PARD3B: variants seen among roughly 807,000 people sequenced by gnomAD.
The protein encoded by PARD3B is par-3 family cell polarity regulator beta.
PARD3B carries 103 observed loss-of-function variants against 130.2 expected under a neutral mutation model. The observed-to-expected ratio is 0.79, with a 90% CI of 0.67 to 0.93. PARD3B has a LOEUF of 0.93. Among genes scored for constraint, PARD3B ranks in the 40% least tolerant of loss-of-function variants. PARD3B has a pLI of 0.00. For synonymous variants in PARD3B, 583 were observed against 553.2 expected, an observed-to-expected ratio of 1.05 and a Z score of -0.76; for missense variants, 1,609 against 1,499.2, an observed-to-expected ratio of 1.07 and a Z score of -1.21.
chr2:205,112,862 T>C (rs1482025982), intron 5 of PARD3B, among the ~76,000 whole-genome samples: 1 of 152,158 alleles, frequency 6.6e-6, no homozygotes, highest in East Asian at 1.9e-4. Context: ...AACCTCTTTT[T>C]CTACCTTTAC....
At chr2:204,831,154 A>G (rs944132641) in intron 2 of PARD3B, among the ~76,000 whole-genome samples, 2 of 152,152 alleles carry the variant, frequency 1.3e-5, no homozygotes, top group African/African-American at 4.8e-5. Flanking sequence ...CTTAGATACT[A>G]TGTTATTTAA....
At position 205,525,756 on chromosome 2, in the gene PARD3B, T is replaced by G. The variant is rs1163992696; in HGVS notation, c.3180+25725T>G. On this transcript the variant is annotated intron_variant, in intron 21 of 22. Coordinates refer to ENST00000406610, the MANE Select transcript of PARD3B (RefSeq NM_001302769.2). The surrounding 1 kb of genome is among the most constrained non-coding windows in gnomAD (Gnocchi z 4.2). ...ACTCACCCTTCATTTTGGTGACAAG[T>G]CCAGCTCAATGAGAATCTCGACAAA... Among the ~76,000 whole-genome samples the G allele has an allele frequency of 6.6e-6, 1 of 152,152 alleles. No individual in the cohort carries two copies. The highest frequency in any genetic ancestry group is 1.5e-5 in the Non-Finnish European group (1 of 68,036).
chr2:204,952,098 A>G (rs1689822533), intron 2 of PARD3B, among the ~76,000 whole-genome samples: 1 of 152,230 alleles, frequency 6.6e-6, no homozygotes, highest in South Asian at 2.1e-4. Flanking sequence ...TAAGCACATG[A>G]AAGTTTTTAA....
chr2:205,188,631 A>G (rs2036223075), intron 14 of PARD3B, among the ~76,000 whole-genome samples: 1 of 152,040 alleles, frequency 6.6e-6, no homozygotes, highest in Non-Finnish European at 1.5e-5. Flanking sequence ...CTCCCCTCCT[A>G]GGATCGTGTG....
At chr2:204,705,983 T>C (rs369099371) in intron 2 of PARD3B, among the ~76,000 whole-genome samples, 13 of 152,262 alleles carry the variant, frequency 8.5e-5, no homozygotes, top group African/African-American at 2.6e-4. Flanking sequence ...AGTTCTTTGA[T>C]TGGGTGAATG....
At chr2:204,563,747 A>C (rs76876266) in intron 1 of PARD3B, among the ~76,000 whole-genome samples, 2,304 of 152,084 alleles carry the variant, frequency 0.015, 68 homozygotes, top group African/African-American at 0.053. Context: ...CCTAAATTCT[A>C]TCTCATGTCA....
intron 5 of PARD3B, among the ~76,000 whole-genome samples, chr2:205,111,669 A>T (rs1381458619): frequency 1.3e-5 from 2 of 152,086 alleles, no homozygotes; most frequent in Admixed American, 1.3e-4. Flanking sequence ...CACATTCCAA[A>T]TGCCTCTAGA....
At chr2:204,627,740 A>G (rs1393728390) in intron 1 of PARD3B, among the ~76,000 whole-genome samples, 1 of 152,140 alleles carries the variant, frequency 6.6e-6, no homozygotes, top group Non-Finnish European at 1.5e-5. Flanking sequence ...AATGATGGGA[A>G]CCTGGAATTC....
intron 20 of PARD3B, among the ~76,000 whole-genome samples, chr2:205,468,664 T>G (rs538498963): frequency 6.6e-6 from 1 of 152,272 alleles, no homozygotes; most frequent in East Asian, 1.9e-4. Context: ...GTAGCACTGG[T>G]TCTCACGTCT....
chr2:205,252,729 G>GA (rs1412564091), intron 16 of PARD3B, among the ~76,000 whole-genome samples: 1 of 149,962 alleles, frequency 6.7e-6, no homozygotes, highest in Non-Finnish European at 1.5e-5. Context: ...CACACCAAAT[G>GA]AAAAAGTACC....
At chr2:205,171,672 T>C (rs758160132) in intron 11 of PARD3B, among the ~76,000 whole-genome samples, 7 of 152,164 alleles carry the variant, frequency 4.6e-5, no homozygotes, top group African/African-American at 7.2e-5. Flanking sequence ...ACGAGCAACT[T>C]TGTGGTTGTG....
At chr2:204,688,332 CACT>C (rs1324597509) in intron 2 of PARD3B, among the ~76,000 whole-genome samples, 1 of 152,014 alleles carries the variant, frequency 6.6e-6, no homozygotes, top group Non-Finnish European at 1.5e-5. Flanking sequence ...GTAATCCTAG[CACT>C]TTGGGAGGCT....
Position 205,383,085 on chromosome 2 carries a change from T to C in PARD3B, c.2631-17928T>C, listed in dbSNP as rs1042286493. Among the ~76,000 whole-genome samples, 4 of 76,436 alleles carry C rather than the reference T, an allele frequency of 5.2e-5. 1 individual carries two copies. The highest frequency in any genetic ancestry group is 3.6e-4 in the African/African-American group (4 of 11,148). The allele number at this position is 76,436 out of a possible 152,430, so 50.1% of individuals were successfully genotyped here. A position where few individuals can be genotyped will look rare whatever the true frequency, so the allele number is the denominator to read the frequency against. On this transcript the variant is annotated intron_variant, in intron 18 of 22. Coordinates refer to ENST00000406610, the MANE Select transcript of PARD3B (RefSeq NM_001302769.2). ...GGAAACAGAACCTGGAAAGTTTACA[T>C]AGATAGATAGATAGATAGATAGATA...
At chr2:204,740,083 G>A (rs891270617) in intron 2 of PARD3B, among the ~76,000 whole-genome samples, 4 of 151,534 alleles carry the variant, frequency 2.6e-5, no homozygotes, top group African/African-American at 9.7e-5. Context: ...ATGCCATCTC[G>A]GCTCACTGCA....
chr2:205,278,624 G>A lies in PARD3B; in HGVS notation c.2186-21906G>A, dbSNP rs145233397. Among the ~76,000 whole-genome samples the A allele has an allele frequency of 1.3e-5, 2 of 152,286 alleles. 1 individual carries two copies. Among genetic ancestry groups the A allele is most frequent in the East Asian group, 3.9e-4 (2 of 5,184 alleles). ...TAAAACAATTGCTGAGCACTCGAGA[G>A]ACTTGTGTGCCTCTTCCACGACAAA... On this transcript the variant is annotated intron_variant, in intron 16 of 22. Transcript: ENST00000406610.
Position 205,176,668 on chromosome 2 carries a change from G to T in PARD3B, c.1924+91G>T. On this transcript the variant is annotated intron_variant, in intron 13 of 22. Coordinates refer to ENST00000406610, the MANE Select transcript of PARD3B (RefSeq NM_001302769.2). This position sits in a 1 kb window ranked among gnomAD's most constrained non-coding sequence, Gnocchi z 5.3. ...AAAAAAAAAAAAAAAGAGTAAAGGG[G>T]AGTTAATTAGACTAAGTGCAGACTT... 7.7e-7 allele frequency: 1 copy of T among 1,301,258 alleles called. No individual in the cohort carries two copies. The highest frequency in any genetic ancestry group is 1.0e-6 in the Non-Finnish European group (1 of 969,214). The allele number at this position is 1,301,258 out of a possible 1,614,324, so 80.6% of individuals were successfully genotyped here.
intron 10 of PARD3B, among the ~76,000 whole-genome samples, chr2:205,131,382 T>C (rs2031984577): frequency 6.6e-6 from 1 of 152,096 alleles, no homozygotes; most frequent in Admixed American, 6.5e-5. Flanking sequence ...TAAGACAGAG[T>C]TTCTTTTTCA....
intron 2 of PARD3B, among the ~76,000 whole-genome samples, chr2:204,750,772 T>C (rs187964453): frequency 2.0e-4 from 31 of 152,334 alleles, no homozygotes; most frequent in Non-Finnish European, 1.5e-4. Context: ...GCTCTGTAGC[T>C]GGATGGCTTT....
chr2:205,217,867 TG>T (rs2038018050), intron 15 of PARD3B, among the ~76,000 whole-genome samples: 1 of 56,842 alleles, frequency 1.8e-5, no homozygotes, highest in Admixed American at 2.6e-4. Context: ...TGTGTGTGTG[TG>T]TATATATATA....
Sources: allele counts gnomAD v4.1 joint callset (sites outside exome capture counted in the v4.1 genomes callset), GRCh38; gene constraint gnomAD v4.1.1; non-coding constraint Gnocchi (gnomAD v3.1); transcripts MANE v1.5; gene names NCBI Gene and HGNC (gene_info 2026-07-23, HGNC 2026-07-21).